Variants in PPFIA2 observed in about 807,000 individuals in gnomAD.
PPFIA2 encodes liprin-alpha-2.
Under a neutral mutation model 175.5 loss-of-function variants are expected in PPFIA2, and 46 were observed. The observed-to-expected ratio is 0.26, with a 90% CI of 0.21 to 0.34. PPFIA2 has a LOEUF of 0.34. Ranked by LOEUF, PPFIA2 falls within the 10% of genes least tolerant of loss-of-function variation. The pLI, the probability that PPFIA2 is intolerant of heterozygous loss-of-function variation, is 1.00. For synonymous variants in PPFIA2, 568 were observed against 511.4 expected, an observed-to-expected ratio of 1.11 and a Z score of -1.49; for missense variants, 1,179 against 1,506.1, an observed-to-expected ratio of 0.78 and a Z score of 3.60.
At chr12:81,629,217 A>C (rs1371787581) in intron 4 of PPFIA2, among the ~76,000 whole-genome samples, 1 of 152,134 alleles carries the variant, frequency 6.6e-6, no homozygotes, top group Non-Finnish European at 1.5e-5. Flanking sequence ...CAATTACTAT[A>C]AAAAATTTAG....
chr12:81,474,220 T>C (rs1239503312), intron 4 of PPFIA2, among the ~76,000 whole-genome samples: 2 of 152,074 alleles, frequency 1.3e-5, no homozygotes, highest in African/African-American at 2.4e-5. Context: ...GCAGTGGTGC[T>C]CTCTCGGCTC....
intron 4 of PPFIA2, among the ~76,000 whole-genome samples, chr12:81,469,953 A>T (rs773302866): frequency 6.6e-6 from 1 of 152,184 alleles, no homozygotes; most frequent in Non-Finnish European, 1.5e-5. Context: ...TGCAAGCCAG[A>T]ACGAGGTCTC....
intron 21 of PPFIA2, among the ~76,000 whole-genome samples, chr12:81,334,499 A>T (rs60483673): frequency 5.3e-5 from 8 of 150,834 alleles, no homozygotes; most frequent in Admixed American, 3.3e-4. Context: ...CAAAAAAAAA[A>T]AAAAATAAAT....
At chr12:81,368,906 T>G in intron 12 of PPFIA2, 50 bp from the exon 13 acceptor site, 1 of 1,565,140 alleles carries the variant, frequency 6.4e-7, no homozygotes, top group South Asian at 1.2e-5. Flanking sequence ...CTGTTTGAGA[T>G]TATTTTTATA....
At chr12:81,728,266 G>C (rs2080361472) in intron 3 of PPFIA2, among the ~76,000 whole-genome samples, 1 of 151,356 alleles carries the variant, frequency 6.6e-6, no homozygotes, top group Non-Finnish European at 1.5e-5. Context: ...GAATGGTTGA[G>C]AGTATCTTTT....
chr12:81,649,274 G>A (rs1316572497), intron 4 of PPFIA2, among the ~76,000 whole-genome samples: 1 of 152,076 alleles, frequency 6.6e-6, no homozygotes, highest in Non-Finnish European at 1.5e-5. Flanking sequence ...AGATTAAAAA[G>A]TAACTTTAAT....
intron 4 of PPFIA2, among the ~76,000 whole-genome samples, chr12:81,602,931 C>T (rs2059937533): frequency 6.6e-6 from 1 of 151,838 alleles, no homozygotes; most frequent in Non-Finnish European, 1.5e-5. Flanking sequence ...AACTATCAAA[C>T]ATCTATCCCT....
intron 3 of PPFIA2, among the ~76,000 whole-genome samples, chr12:81,692,426 G>A (rs574750981): frequency 3.3e-5 from 5 of 152,160 alleles, no homozygotes; most frequent in Non-Finnish European, 5.9e-5. Flanking sequence ...GCCAGTAAGT[G>A]TTCAGGTAAT....
intron 22 of PPFIA2, among the ~76,000 whole-genome samples, chr12:81,323,349 A>G (rs1461002581): frequency 6.6e-6 from 1 of 152,176 alleles, no homozygotes; most frequent in African/African-American, 2.4e-5. Flanking sequence ...GATAGAATTT[A>G]GAAACAACTG....
intron 4 of PPFIA2, among the ~76,000 whole-genome samples, chr12:81,663,791 C>G (rs1193543051): frequency 6.6e-6 from 1 of 152,142 alleles, no homozygotes; most frequent in African/African-American, 2.4e-5. Flanking sequence ...TCAAACTATA[C>G]TACAAGGCTA....
chr12:81,417,765 A>C (rs1167799016), intron 7 of PPFIA2, among the ~76,000 whole-genome samples: 1 of 151,774 alleles, frequency 6.6e-6, no homozygotes, highest in African/African-American at 2.4e-5. Flanking sequence ...ATGAGAAGGA[A>C]GCAGAACTTA....
In PPFIA2 at chr12:81,645,783, C is replaced by A. The variant is rs150488067; in HGVS notation, c.303+31008G>T. 6.0e-4 allele frequency among the ~76,000 whole-genome samples: 91 copies of A among 152,290 alleles called. No homozygotes were observed. The East Asian group carries it at 0.016, about 27-fold the overall frequency. On this transcript the variant is annotated intron_variant, in intron 4 of 32. Coordinates refer to ENST00000549396, the MANE Select transcript of PPFIA2 (RefSeq NM_003625.5). Reference sequence around the variant, plus strand: ...CATTTTAAAAATTCTTAAGACCTAGCGTGGGCTATCATGAGAAGTCAGAAT... The same window carrying A: ...CATTTTAAAAATTCTTAAGACCTAGAGTGGGCTATCATGAGAAGTCAGAAT...
chr12:81,506,783 C>T (rs1037292428), intron 4 of PPFIA2, among the ~76,000 whole-genome samples: 3 of 152,160 alleles, frequency 2.0e-5, no homozygotes, highest in African/African-American at 7.2e-5. Context: ...GCTTTTCTGA[C>T]TATACAGTCT....
chr12:81,540,990 C>T (rs903069744), intron 4 of PPFIA2, among the ~76,000 whole-genome samples: 8 of 152,080 alleles, frequency 5.3e-5, no homozygotes, highest in African/African-American at 1.9e-4. Context: ...TATCCTGAAA[C>T]TGGAATCTAT....
intron 22 of PPFIA2, 87 bp from the exon 23 acceptor site, chr12:81,299,469 A>G: frequency 1.4e-6 from 2 of 1,464,222 alleles, no homozygotes; most frequent in Non-Finnish European, 1.8e-6. Flanking sequence ...AAAATAACCA[A>G]TCATCCTTTA....
At chr12:81,584,990 A>AT (rs2075053860) in intron 4 of PPFIA2, among the ~76,000 whole-genome samples, 1 of 25,056 alleles carries the variant, frequency 4.0e-5, no homozygotes, top group South Asian at 9.9e-4. Context: ...AATTATATTT[A>AT]TATATAATAT....
chr12:81,262,085 T>C (rs367984490), intron 31 of PPFIA2, 45 bp from the exon 32 acceptor site: 39 of 1,263,492 alleles, frequency 3.1e-5, no homozygotes, highest in Non-Finnish European at 4.3e-5. Context: ...GATGATTGAG[T>C]ACAAGATTTC....
At position 81,701,585 on chromosome 12, in the gene PPFIA2, CTTTA is replaced by C. The variant is rs201675248; in HGVS notation, c.250-24745_250-24742del. ...TTATCTTAATTAAGTTATGTAACCT[CTTTA>C]TTTATCTGTAAAATGAAGATAAAAA... On this transcript the variant is annotated intron_variant, in intron 3 of 32. Coordinates refer to ENST00000549396, the MANE Select transcript of PPFIA2 (RefSeq NM_003625.5). Among the ~76,000 whole-genome samples, 60 of 152,130 alleles carry C rather than the reference CTTTA, an allele frequency of 3.9e-4. 1 individual carries two copies. In the East Asian group the frequency reaches 0.011, roughly 27 times the overall value.
intron 8 of PPFIA2, among the ~76,000 whole-genome samples, chr12:81,401,711 C>A (rs1469950356): frequency 1.3e-5 from 2 of 152,096 alleles, no homozygotes; most frequent in African/African-American, 2.4e-5. Context: ...ACAGATTATA[C>A]AAGTAATGAG....
Sources: gnomAD v4.1 joint callset for allele counts (sites outside exome capture counted in the v4.1 genomes callset) on GRCh38, gnomAD v4.1.1 for gene constraint, MANE v1.5 for transcripts, NCBI Gene and HGNC (gene_info 2026-07-23, HGNC 2026-07-21) for gene names.